The following ULK4 variants were observed in gnomAD, a reference collection of about 807,000 sequenced individuals.
The protein encoded by ULK4 is inactive serine/threonine-protein kinase ULK4.
Under a neutral mutation model 160.6 loss-of-function variants are expected in ULK4, and 133 were observed. The ratio of observed to expected loss-of-function variants is 0.83; its 90% confidence interval spans 0.72 to 0.96. The LOEUF is 0.96. Among genes scored for constraint, ULK4 ranks in the 40% least tolerant of loss-of-function variants. The probability of loss-of-function intolerance (pLI) is 0.00; values close to 1 mark genes in which losing one functional copy is unlikely to be tolerated. For missense variants in ULK4, 1,580 were observed against 1,499.5 expected, an observed-to-expected ratio of 1.05 and a Z score of -0.89; for synonymous variants, 534 against 539.8, an observed-to-expected ratio of 0.99 and a Z score of 0.15.
At chr3:41,422,754 T>G (rs2125838091) in intron 34 of ULK4, among the ~76,000 whole-genome samples, 1 of 152,310 alleles carries the variant, frequency 6.6e-6, no homozygotes, top group East Asian at 1.9e-4. Context: ...TATAAACTGT[T>G]AGAATCTTTT....
intron 14 of ULK4, among the ~76,000 whole-genome samples, chr3:41,897,522 A>G (rs1013986987): frequency 6.6e-6 from 1 of 152,196 alleles, no homozygotes; most frequent in Non-Finnish European, 1.5e-5. Flanking sequence ...CCCTAAAATT[A>G]ACATATTTTT....
chr3:41,864,006 GCACTAAGACT>G (rs967123407), intron 17 of ULK4, among the ~76,000 whole-genome samples: 2 of 152,098 alleles, frequency 1.3e-5, no homozygotes, highest in African/African-American at 4.8e-5. Context: ...GCCTAATTCA[GCACTAAGACT>G]CACAAGTTGC....
At chr3:41,599,571 T>TC (rs200891678) in intron 31 of ULK4, among the ~76,000 whole-genome samples, 9,249 of 149,716 alleles carry the variant, frequency 0.062, 418 homozygotes, top group African/African-American at 0.12. Context: ...TTTTCTTTTT[T>TC]TTTTTTTTTT....
At chr3:41,808,944 G>A (rs551831338) in intron 19 of ULK4, among the ~76,000 whole-genome samples, 22 of 152,142 alleles carry the variant, frequency 1.4e-4, no homozygotes, top group East Asian at 5.8e-4. Flanking sequence ...TGAGGCGGGC[G>A]GATCACGAGG....
chr3:41,768,494 A>C (rs2039243678), intron 21 of ULK4, among the ~76,000 whole-genome samples: 2 of 152,088 alleles, frequency 1.3e-5, no homozygotes. Context: ...TCACTCTTGG[A>C]ACTCTGCCAC....
At chr3:41,885,533 C>A (rs769392412) in intron 16 of ULK4, among the ~76,000 whole-genome samples, 4 of 152,158 alleles carry the variant, frequency 2.6e-5, no homozygotes, top group East Asian at 1.9e-4. Context: ...CCATCTTTCA[C>A]GACAGCATCT....
chr3:41,725,875 G>A (rs1344605964), intron 22 of ULK4, among the ~76,000 whole-genome samples: 2 of 152,142 alleles, frequency 1.3e-5, no homozygotes, highest in African/African-American at 4.8e-5. Context: ...AAACAATCTA[G>A]ATCATCTTAA....
chr3:41,330,607 T>C (rs974140135), intron 35 of ULK4, among the ~76,000 whole-genome samples: 8 of 152,144 alleles, frequency 5.3e-5, no homozygotes, highest in Non-Finnish European at 1.2e-4. Flanking sequence ...AGCCAAGTCA[T>C]AGGCTGAGAA....
At chr3:41,263,481 T>C (rs1345198511) in intron 35 of ULK4, among the ~76,000 whole-genome samples, 2 of 152,188 alleles carry the variant, frequency 1.3e-5, no homozygotes, top group Non-Finnish European at 2.9e-5. Flanking sequence ...CACAGCTTCC[T>C]TCTTTCCCCA....
At chr3:41,658,731 A>ACACACACACACACACACACTCT (rs1553628709) in intron 30 of ULK4, among the ~76,000 whole-genome samples, 41 of 135,240 alleles carry the variant, frequency 3.0e-4, no homozygotes, top group African/African-American at 1.0e-3. Flanking sequence ...AAAACAGTAC[A>ACACACACACACACACACACTCT]CACACACACA....
intron 22 of ULK4, among the ~76,000 whole-genome samples, chr3:41,739,182 T>A (rs998841141): frequency 6.6e-6 from 1 of 151,718 alleles, no homozygotes; most frequent in African/African-American, 2.4e-5. Context: ...ATCAAATGAG[T>A]CAATCAATAT....
chr3:41,869,713 GC>G lies in ULK4; in HGVS notation c.1656+14160del, dbSNP rs199588629. On this transcript the variant is annotated intron_variant, in intron 17 of 36. Transcript: ENST00000301831. ...TTGTACAACTGCTGTCATATATTTTGCTTCTACTTATGTTATAAAACACACA... is the reference window on the plus strand; with the variant it reads ...TTGTACAACTGCTGTCATATATTTTGTTCTACTTATGTTATAAAACACACA... Among the ~76,000 whole-genome samples the G allele has an allele frequency of 7.9e-3, 1,201 of 152,252 alleles. 12 individuals are homozygous for G. Among genetic ancestry groups the G allele is most frequent in the African/African-American group, 0.028 (1,156 of 41,548 alleles).
intron 31 of ULK4, among the ~76,000 whole-genome samples, chr3:41,596,255 G>T (rs2031684475): frequency 6.6e-6 from 1 of 152,208 alleles, no homozygotes; most frequent in Non-Finnish European, 1.5e-5. Context: ...TACACATAAA[G>T]CAGCATGAAT....
At chr3:41,418,820 G>A (rs946136685) in intron 34 of ULK4, among the ~76,000 whole-genome samples, 2 of 152,224 alleles carry the variant, frequency 1.3e-5, no homozygotes, top group South Asian at 2.1e-4. Flanking sequence ...GGACCACACA[G>A]GTGAAGCCCC....
intron 22 of ULK4, among the ~76,000 whole-genome samples, chr3:41,753,670 T>C (rs1215805119): frequency 1.3e-5 from 2 of 152,146 alleles, no homozygotes; most frequent in Admixed American, 1.3e-4. Context: ...TCCAGAATCT[T>C]ACAATAAGGA....
intron 17 of ULK4, among the ~76,000 whole-genome samples, chr3:41,878,746 G>A (rs1383701394): frequency 6.8e-6 from 1 of 147,462 alleles, no homozygotes; most frequent in East Asian, 2.1e-4. Flanking sequence ...AAAAAAAAGA[G>A]TGATGGGAAT....
At chr3:41,455,460 C>T (rs1371366831) in intron 34 of ULK4, 37 bp downstream of exon 34, 1 of 1,551,822 alleles carries the variant, frequency 6.4e-7, no homozygotes, top group Non-Finnish European at 8.8e-7. Context: ...ACTTCAACTT[C>T]AGTAATGCCC....
chr3:41,776,424 TA>T (rs2039625099), intron 21 of ULK4, among the ~76,000 whole-genome samples: 1 of 150,712 alleles, frequency 6.6e-6, no homozygotes, highest in South Asian at 2.1e-4. Flanking sequence ...ATTTTAGTCT[TA>T]TGTCAGAAAA....
chr3:41,631,858 C>T (rs1413356136), intron 30 of ULK4, among the ~76,000 whole-genome samples: 2 of 152,126 alleles, frequency 1.3e-5, no homozygotes, highest in South Asian at 2.1e-4. Context: ...AGTCCTGTTT[C>T]GTCCAGGGCT....
Sources: allele counts gnomAD v4.1 joint callset (sites outside exome capture counted in the v4.1 genomes callset), GRCh38; gene constraint gnomAD v4.1.1; transcripts MANE v1.5; gene names NCBI Gene and HGNC (gene_info 2026-07-23, HGNC 2026-07-21).